The following CNBD1 variants were observed in gnomAD, a reference collection of about 807,000 sequenced individuals.
The protein encoded by CNBD1 is cyclic nucleotide-binding domain-containing protein 1.
Under a neutral mutation model 54.4 loss-of-function variants are expected in CNBD1, and 71 were observed. The observed-to-expected ratio is 1.30, with a 90% CI of 1.08 to 1.59. The LOEUF (loss-of-function observed/expected upper bound fraction) is 1.59. Among genes scored for constraint, CNBD1 ranks in the 40% most tolerant of loss-of-function variants. The pLI is 0.00. For synonymous variants in CNBD1, 182 were observed against 170.7 expected, an observed-to-expected ratio of 1.07 and a Z score of -0.51; for missense variants, 659 against 518.0, an observed-to-expected ratio of 1.27 and a Z score of -2.64.
chr8:87,082,955 A>T (rs910217223), intron 4 of CNBD1, among the ~76,000 whole-genome samples: 3 of 152,176 alleles, frequency 2.0e-5, no homozygotes, highest in Non-Finnish European at 2.9e-5. Flanking sequence ...ACTTTAATTT[A>T]TTACACTCTA....
chr8:87,236,887 C>T (rs371272177), intron 5 of CNBD1, 32 bp from the exon 6 acceptor site: 12 of 1,405,932 alleles, frequency 8.5e-6, no homozygotes, highest in Non-Finnish European at 1.2e-5. Context: ...CCTGAGCACA[C>T]AGTATATATT....
intron 4 of CNBD1, among the ~76,000 whole-genome samples, chr8:87,129,036 C>CT (rs2130724017): frequency 8.6e-6 from 1 of 115,734 alleles, no homozygotes; most frequent in Admixed American, 1.3e-4. Flanking sequence ...CCCCACTGTA[C>CT]TCCAGCCTGA....
intron 8 of CNBD1, among the ~76,000 whole-genome samples, chr8:87,292,046 G>C (rs1225436712): frequency 6.6e-6 from 1 of 152,034 alleles, no homozygotes; most frequent in Non-Finnish European, 1.5e-5. Context: ...AGTACATCTG[G>C]GTTGTATTAA....
At chr8:87,079,845 G>A (rs111525648) in intron 4 of CNBD1, among the ~76,000 whole-genome samples, 9 of 152,006 alleles carry the variant, frequency 5.9e-5, no homozygotes, top group African/African-American at 1.9e-4. Context: ...ATTTTTCAGG[G>A]TTTTCTGTTA....
At chr8:87,315,941 A>G (rs1200289529) in intron 8 of CNBD1, among the ~76,000 whole-genome samples, 1 of 152,040 alleles carries the variant, frequency 6.6e-6, no homozygotes, top group East Asian at 1.9e-4. Flanking sequence ...CAATTTATGC[A>G]TGTATCATAA....
chr8:87,159,218 C>G (rs960476345), intron 4 of CNBD1, among the ~76,000 whole-genome samples: 1 of 152,122 alleles, frequency 6.6e-6, no homozygotes, highest in African/African-American at 2.4e-5. Flanking sequence ...ATCATCCTTG[C>G]TAGTGCATAA....
At chr8:87,113,302 G>C (rs1469839909) in intron 4 of CNBD1, among the ~76,000 whole-genome samples, 3 of 152,178 alleles carry the variant, frequency 2.0e-5, no homozygotes, top group African/African-American at 7.2e-5. Context: ...CCTCATGTTA[G>C]AATACTGAAA....
chr8:86,902,515 T>A (rs1365899401), intron 2 of CNBD1, among the ~76,000 whole-genome samples: 1 of 152,122 alleles, frequency 6.6e-6, no homozygotes, highest in Non-Finnish European at 1.5e-5. Flanking sequence ...CTTATGACAC[T>A]TGCTTGGACA....
chr8:87,135,746 T>C (rs1156323384), intron 4 of CNBD1, among the ~76,000 whole-genome samples: 3 of 150,482 alleles, frequency 2.0e-5, no homozygotes, highest in African/African-American at 7.3e-5. Context: ...ATATATATAA[T>C]ATAGTGGATA....
intron 2 of CNBD1, among the ~76,000 whole-genome samples, chr8:87,401,185 A>G (rs1807557367): frequency 6.6e-6 from 1 of 152,046 alleles, no homozygotes; most frequent in African/African-American, 2.4e-5. Context: ...CAAAGCAAAT[A>G]TATTGGAAAC....
chr8:87,226,198 G>T (rs1358592333), intron 5 of CNBD1, among the ~76,000 whole-genome samples: 1 of 151,710 alleles, frequency 6.6e-6, no homozygotes, highest in African/African-American at 2.4e-5. Context: ...CCAGCTCCTG[G>T]ATTCATTAAT....
rs1199802515 is a variant in CNBD1 at position 86,866,524 on chromosome 8, T to A, written c.29T>A (p.Ile10Asn). MPMSSLPAA[I>N]LSHMTAINNV... ...CCGATGTCTTCTCTTCCAGCAGCTA[T>A]TTTGTCTCACATGACAGCTATTAAC... Residue 10 changes from isoleucine (I) to asparagine (N), a missense_variant, in exon 1 of 11, where the codon ATT (isoleucine) becomes AAT (asparagine). By Grantham distance (149) the Ile-to-Asn change is moderately radical. Transcript: ENST00000518476. 3 of 1,612,272 alleles carry A rather than the reference T, an allele frequency of 1.9e-6. No individual in the cohort carries two copies. Among genetic ancestry groups the A allele is most frequent in the Non-Finnish European group, 2.5e-6 (3 of 1,179,262 alleles).
At chr8:86,968,092 T>G (rs997207840) in intron 4 of CNBD1, among the ~76,000 whole-genome samples, 8 of 152,144 alleles carry the variant, frequency 5.3e-5, no homozygotes, top group African/African-American at 1.9e-4. Context: ...TGGGTTGAAG[T>G]TGAGCATTTG....
At chr8:86,916,215 C>A (rs921283523) in intron 3 of CNBD1, among the ~76,000 whole-genome samples, 1 of 152,098 alleles carries the variant, frequency 6.6e-6, no homozygotes. Context: ...GAGACTGAGG[C>A]AAGTTTTAGA....
At chr8:87,025,587 G>A (rs79495757) in intron 4 of CNBD1, among the ~76,000 whole-genome samples, 120 of 151,930 alleles carry the variant, frequency 7.9e-4, no homozygotes, top group African/African-American at 2.6e-3. Flanking sequence ...AAACAAGTCT[G>A]GATATGCCAC....
intron 4 of CNBD1, among the ~76,000 whole-genome samples, chr8:87,098,229 T>A (rs1010860253): frequency 6.6e-6 from 1 of 152,230 alleles, no homozygotes; most frequent in African/African-American, 2.4e-5. Context: ...AGTCTGAGTT[T>A]ACTCACTTTT....
At chr8:86,986,860 T>C (rs1808620042) in intron 4 of CNBD1, among the ~76,000 whole-genome samples, 1 of 152,180 alleles carries the variant, frequency 6.6e-6, no homozygotes, top group Admixed American at 6.5e-5. Flanking sequence ...TTCTGTTCCA[T>C]TGGTTGATGT....
At chr8:86,903,584 T>TGACAG (rs1808971437) in intron 2 of CNBD1, among the ~76,000 whole-genome samples, 1 of 152,082 alleles carries the variant, frequency 6.6e-6, no homozygotes, top group African/African-American at 2.4e-5. Context: ...TCCCAGAGGT[T>TGACAG]AAAATAATGG....
intron 10 of CNBD1, among the ~76,000 whole-genome samples, chr8:87,370,185 C>T (rs1810746703): frequency 6.6e-6 from 1 of 151,862 alleles, no homozygotes; most frequent in East Asian, 1.9e-4. Context: ...CCGCAATAAA[C>T]ATACGTGTGC....
Sources: allele counts gnomAD v4.1 joint callset (sites outside exome capture counted in the v4.1 genomes callset), GRCh38; gene constraint gnomAD v4.1.1; transcripts MANE v1.5; gene names NCBI Gene and HGNC (gene_info 2026-07-23, HGNC 2026-07-21).